Variants in LPP observed in about 807,000 individuals in gnomAD.
LPP encodes LIM domain containing preferred translocation partner in lipoma.
LPP carries 38 observed loss-of-function variants against 60.4 expected under a neutral mutation model. The observed-to-expected ratio is 0.63, with a 90% CI of 0.49 to 0.83. The LOEUF (loss-of-function observed/expected upper bound fraction) is 0.83. Among genes scored for constraint, LPP ranks in the 40% least tolerant of loss-of-function variants. The pLI, the probability that LPP is intolerant of heterozygous loss-of-function variation, is 0.00. For synonymous variants in LPP, 328 were observed against 290.8 expected, an observed-to-expected ratio of 1.13 and a Z score of -1.30; for missense variants, 902 against 783.6, an observed-to-expected ratio of 1.15 and a Z score of -1.80.
rs547155537 is a variant in LPP at position 188,667,775 on chromosome 3, GTT to G, written c.1114-40482_1114-40481del. Among the ~76,000 whole-genome samples, 5 of 145,468 alleles carry G rather than the reference GTT, an allele frequency of 3.4e-5. No homozygotes were observed. The East Asian group carries it at 8.0e-4, about 23-fold the overall frequency. On this transcript the variant is annotated intron_variant, in intron 7 of 11. Transcript: ENST00000617246. The stretch of plus-strand genomic sequence containing the variant: ...CTGTGTTAACAGGAAAGTTGTTATA[GTT>G]TTTTTTTTTCTTCCGTATTGTTTTT...
intron 6 of LPP, among the ~76,000 whole-genome samples, chr3:188,525,846 G>C (rs1820441014): frequency 6.6e-6 from 1 of 152,168 alleles, no homozygotes; most frequent in Non-Finnish European, 1.5e-5. Flanking sequence ...TTTTGTAAGT[G>C]CAAATGGTGC....
chr3:188,275,372 A>G (rs1434542531), intron 2 of LPP, among the ~76,000 whole-genome samples: 1 of 152,162 alleles, frequency 6.6e-6, no homozygotes, highest in Admixed American at 6.5e-5. Flanking sequence ...TTATTTATTT[A>G]CAAATGAGGT....
chr3:188,765,446 A>G (rs1733723422), intron 9 of LPP, among the ~76,000 whole-genome samples: 1 of 152,146 alleles, frequency 6.6e-6, no homozygotes, highest in Non-Finnish European at 1.5e-5. Flanking sequence ...GAAGTTAAGC[A>G]TGTTACCCAC....
chr3:188,462,867 G>A (rs1002133030), intron 4 of LPP, among the ~76,000 whole-genome samples: 3 of 151,776 alleles, frequency 2.0e-5, no homozygotes, highest in African/African-American at 7.3e-5. Flanking sequence ...AGCACTTTGG[G>A]AGGCCGAGGC....
At chr3:188,788,962 GT>G (rs1742788085) in intron 9 of LPP, among the ~76,000 whole-genome samples, 1 of 152,096 alleles carries the variant, frequency 6.6e-6, no homozygotes, top group African/African-American at 2.4e-5. Flanking sequence ...CCCCTTCTCA[GT>G]TTCTGTGGCT....
chr3:188,238,625 T>C (rs1432723356), intron 2 of LPP, among the ~76,000 whole-genome samples: 2 of 152,156 alleles, frequency 1.3e-5, no homozygotes, highest in African/African-American at 2.4e-5. Flanking sequence ...GGCTGGTCAG[T>C]GGAGCAGTCA....
chr3:188,444,411 G>A lies in LPP; in HGVS notation c.193+38098G>A, dbSNP rs150056094. On this transcript the variant is annotated intron_variant, in intron 4 of 11. Transcript: ENST00000617246. The stretch of plus-strand genomic sequence containing the variant: ...GAACTTGAAAGAAAAAGTTATGCCC[G>A]ACTCGTTGATTGCATATTAAATAGG... Among the ~76,000 whole-genome samples the A allele has an allele frequency of 2.2e-3, 332 of 152,158 alleles. 2 individuals are homozygous for A. The highest frequency in any genetic ancestry group is 7.6e-3 in the African/African-American group (317 of 41,500).
intron 7 of LPP, among the ~76,000 whole-genome samples, chr3:188,689,647 A>G (rs1861652253): frequency 6.6e-6 from 1 of 152,176 alleles, no homozygotes; most frequent in African/African-American, 2.4e-5. Context: ...GAATTTTCAC[A>G]GTTCATTATC....
At chr3:188,697,879 T>C (rs941639895) in intron 7 of LPP, among the ~76,000 whole-genome samples, 1 of 146,954 alleles carries the variant, frequency 6.8e-6, no homozygotes. Context: ...TTTTCATATC[T>C]TCTTATTTTT....
At chr3:188,727,496 A>C (rs1266383100) in intron 8 of LPP, among the ~76,000 whole-genome samples, 1 of 152,170 alleles carries the variant, frequency 6.6e-6, no homozygotes, top group Non-Finnish European at 1.5e-5. Context: ...AATAATTATA[A>C]AATATATTAA....
At chr3:188,563,716 G>GGTTTTTTTTT (rs1831354859) in intron 6 of LPP, among the ~76,000 whole-genome samples, 2 of 108,050 alleles carry the variant, frequency 1.9e-5, no homozygotes, top group African/African-American at 3.7e-5. Context: ...GGAATTGCTT[G>GGTTTTTTTTT]TGTTTTTTTT....
chr3:188,697,505 A>G (rs966790094), intron 7 of LPP, among the ~76,000 whole-genome samples: 1 of 152,346 alleles, frequency 6.6e-6, no homozygotes, highest in Non-Finnish European at 1.5e-5. Flanking sequence ...GTTTTTATGC[A>G]TATCAGACTG....
At chr3:188,627,062 A>G (rs552706401) in intron 7 of LPP, among the ~76,000 whole-genome samples, 62 of 152,272 alleles carry the variant, frequency 4.1e-4, no homozygotes, top group African/African-American at 1.4e-3. Flanking sequence ...ACCTAATTTC[A>G]TAATATTTTC....
intron 5 of LPP, among the ~76,000 whole-genome samples, 165 bp downstream of exon 5, chr3:188,484,869 A>C (rs1805876724): frequency 6.6e-6 from 1 of 152,206 alleles, no homozygotes; most frequent in African/African-American, 2.4e-5. Flanking sequence ...AAGGTACTTT[A>C]ATGCAACATA....
At chr3:188,468,630 TAAG>T (rs1560444026) in intron 4 of LPP, among the ~76,000 whole-genome samples, 1 of 152,128 alleles carries the variant, frequency 6.6e-6, no homozygotes, top group African/African-American at 2.4e-5. Flanking sequence ...GGTCTGTTTA[TAAG>T]AAGAAGCATA....
At chr3:188,519,672 GT>G in intron 5 of LPP, among the ~76,000 whole-genome samples, 1 of 152,180 alleles carries the variant, frequency 6.6e-6, no homozygotes, top group Middle Eastern at 3.4e-3. Flanking sequence ...ATGTCGGGGG[GT>G]GGTTTTGCAA....
At chr3:188,263,732 A>G (rs1734474270) in intron 2 of LPP, among the ~76,000 whole-genome samples, 1 of 152,234 alleles carries the variant, frequency 6.6e-6, no homozygotes, top group Non-Finnish European at 1.5e-5. Flanking sequence ...AGCTCATTTA[A>G]TAAGTACCTT....
At chr3:188,573,398 C>G (rs2150876693) in intron 6 of LPP, among the ~76,000 whole-genome samples, 2 of 152,116 alleles carry the variant, frequency 1.3e-5, no homozygotes, top group South Asian at 4.2e-4. Context: ...AAAATTTCAC[C>G]TGGATCAGCC....
chr3:188,427,835 T>G (rs143813274), intron 4 of LPP, among the ~76,000 whole-genome samples: 3,553 of 152,260 alleles, frequency 0.023, 149 homozygotes, highest in African/African-American at 0.081. Context: ...CAGTGGATCT[T>G]AGCTTGCTGG....
Sources: gnomAD v4.1 joint callset for allele counts (sites outside exome capture counted in the v4.1 genomes callset) on GRCh38, gnomAD v4.1.1 for gene constraint, MANE v1.5 for transcripts, NCBI Gene and HGNC (gene_info 2026-07-23, HGNC 2026-07-21) for gene names.